The following C1orf122 variants were observed in gnomAD, a reference collection of about 807,000 sequenced individuals.
The protein encoded by C1orf122 is uncharacterized protein C1orf122.
Under a neutral mutation model 12.9 loss-of-function variants are expected in C1orf122, and 12 were observed. The ratio of observed to expected loss-of-function variants is 0.93; its 90% CI spans 0.60 to 1.51. C1orf122 has a LOEUF of 1.51. Ranked by LOEUF, C1orf122 falls within the 40% of genes most tolerant of loss-of-function variation. C1orf122 has a pLI of 0.00. For synonymous variants in C1orf122, 57 were observed against 73.4 expected, an observed-to-expected ratio of 0.78 and a Z score of 1.14; for missense variants, 144 against 162.1, an observed-to-expected ratio of 0.89 and a Z score of 0.61.
In C1orf122 at chr1:37,808,339, C is replaced by G. The variant is rs982636792; in HGVS notation, c.-66C>G. ...CGGGGCGGGGCGCAGCCTTGCGAAG[C>G]CCTAACGCAGCGCTGGGGAGGGGGG... On this transcript the variant is annotated 5_prime_UTR_variant, in exon 1 of 3. Transcript: ENST00000373042. 8 of 1,283,482 alleles carry G rather than the reference C, an allele frequency of 6.2e-6. No homozygotes were observed. Among genetic ancestry groups the G allele is most frequent in the Non-Finnish European group, 7.9e-6 (8 of 1,016,578 alleles). 79.5% of individuals were successfully genotyped at this position (1,283,482 alleles called of 1,614,324 possible).
In C1orf122 at chr1:37,808,875, G is replaced by A. The variant is rs1646764548; in HGVS notation, c.238-103G>A. ...CTCCTTTGATCTGGTGAGAGGTTTC[G>A]AAAAAGTTAATACTATCCAAATGCC... On this transcript the variant is annotated intron_variant, in intron 2 of 2. Coordinates refer to ENST00000373042, the MANE Select transcript of C1orf122 (RefSeq NM_198446.3). 3.4e-6 allele frequency: 5 copies of A among 1,462,976 alleles called. No individual in the cohort carries two copies. In the South Asian group the frequency reaches 5.3e-5, roughly 15 times the overall value. 90.6% of individuals were successfully genotyped at this position (1,462,976 alleles called of 1,614,324 possible). A position where few individuals can be genotyped will look rare whatever the true frequency, so the allele number is the denominator to read the frequency against.
Position 37,808,170 on chromosome 1 carries a change from G to A in C1orf122, c.-235G>A, listed in dbSNP as rs1211539674. The A allele has an allele frequency of 6.2e-6, 9 of 1,455,200 alleles. No individual in the cohort carries two copies. The highest frequency in any genetic ancestry group is 8.1e-6 in the Non-Finnish European group (9 of 1,107,742). The allele number at this position is 1,455,200 out of a possible 1,614,324, so 90.1% of individuals were successfully genotyped here. On this transcript the variant is annotated 5_prime_UTR_variant, in exon 1 of 3. Transcript: ENST00000373042. ...GGCCCTCATCCCCCTGCACCGACGC[G>A]CCGGAGACATCCGCCCAGGCCCGCT...
rs1646751069 is a variant in C1orf122 at position 37,807,809 on chromosome 1, G to A, written c.-596G>A. 2.6e-6 allele frequency: 4 copies of A among 1,509,858 alleles called. No homozygotes were observed. Among genetic ancestry groups the A allele is most frequent in the Admixed American group, 2.0e-5 (1 of 48,914 alleles). The allele number at this position is 1,509,858 out of a possible 1,614,324, so 93.5% of individuals were successfully genotyped here. A position where few individuals can be genotyped will look rare whatever the true frequency, so the allele number is the denominator to read the frequency against. On this transcript the variant is annotated 5_prime_UTR_variant, in exon 1 of 3. Transcript: ENST00000373042. ...GGCCTTACCTGTAGACGTCGGCCAC[G>A]CGGCCGAGGCATACGGCCAGAGGCT...
chr1:37,808,611 G>C lies in C1orf122; in HGVS notation c.116G>C (p.Arg39Pro). The C allele has an allele frequency of 7.7e-7, 1 of 1,307,070 alleles. No individual in the cohort carries two copies. Among genetic ancestry groups the C allele is most frequent in the Middle Eastern group, 2.6e-4 (1 of 3,802 alleles). The allele number at this position is 1,307,070 out of a possible 1,614,324, so 81.0% of individuals were successfully genotyped here. ...CCCCCACAGCCGCCCCGGGAGGAGC[G>C]CGCCCAGCAGCTGCTGGACGCGGTG... is the stretch of plus-strand genomic sequence containing the variant. ...RPPPQPPREERAQQLLDAVEQ... is the reference protein window; with the variant it reads ...RPPPQPPREEPAQQLLDAVEQ... The change falls in exon 2 of 3, where the codon CGC (arginine) becomes CCC (proline). Residue 39 changes from arginine (R) to proline (P), a missense_variant. Coordinates refer to ENST00000373042, the MANE Select transcript of C1orf122 (RefSeq NM_198446.3).
intron 2 of C1orf122, 115 bp from the exon 3 acceptor site, chr1:37,808,863 G>C: frequency 6.9e-7 from 1 of 1,444,458 alleles, no homozygotes; most frequent in Non-Finnish European, 9.3e-7. Flanking sequence ...CTTTGATCTG[G>C]TGAGAGGTTT....
At position 37,808,351 on chromosome 1, in the gene C1orf122, G is replaced by T. The variant is rs1646758055; in HGVS notation, c.-54G>T. The T allele has an allele frequency of 5.5e-6, 7 of 1,281,180 alleles. No individual in the cohort carries two copies. Among genetic ancestry groups the T allele is most frequent in the Non-Finnish European group, 6.9e-6 (7 of 1,015,396 alleles). 79.4% of individuals were successfully genotyped at this position (1,281,180 alleles called of 1,614,324 possible). On this transcript the variant is annotated 5_prime_UTR_variant, in exon 1 of 3. Coordinates refer to ENST00000373042, the MANE Select transcript of C1orf122 (RefSeq NM_198446.3). ...CAGCCTTGCGAAGCCCTAACGCAGC[G>T]CTGGGGAGGGGGGCGGCCGAAAGGG...
In C1orf122 at chr1:37,808,067, G is replaced by C; in HGVS notation, c.-338G>C. 5 of 1,342,562 alleles carry C rather than the reference G, an allele frequency of 3.7e-6. No homozygotes were observed. The highest frequency in any genetic ancestry group is 4.7e-6 in the Non-Finnish European group (5 of 1,052,806). 83.2% of individuals were successfully genotyped at this position (1,342,562 alleles called of 1,614,324 possible). The stretch of plus-strand genomic sequence containing the variant: ...GCCGGGCGCCGGGGGCCGCCGGAGC[G>C]GGACTCGGCGGGCGGAAGAGGCGAC... On this transcript the variant is annotated 5_prime_UTR_variant, in exon 1 of 3. Transcript: ENST00000373042.
At position 37,807,985 on chromosome 1, in the gene C1orf122, A is replaced by T; in HGVS notation, c.-420A>T. 4 of 1,205,088 alleles carry T rather than the reference A, an allele frequency of 3.3e-6. No individual in the cohort carries two copies. The highest frequency in any genetic ancestry group is 4.1e-6 in the Non-Finnish European group (4 of 971,672). 74.6% of individuals were successfully genotyped at this position (1,205,088 alleles called of 1,614,324 possible). A position where few individuals can be genotyped will look rare whatever the true frequency, so the allele number is the denominator to read the frequency against. On this transcript the variant is annotated 5_prime_UTR_variant, in exon 1 of 3. Coordinates refer to ENST00000373042, the MANE Select transcript of C1orf122 (RefSeq NM_198446.3). ...ACGGCGGCCCGCAGCGCCTCGGTCC[A>T]GCCGGCGCGCTCCGGGCTCGCGGCC...
Position 37,808,223 on chromosome 1 carries a change from G to C in C1orf122, c.-182G>C. The stretch of plus-strand genomic sequence containing the variant: ...CGGGAGGAAGTGACGCTCCCAGCCA[G>C]CTTCCGGTCCAGGAGACTCGGCCCC... On this transcript the variant is annotated 5_prime_UTR_variant, in exon 1 of 3. Coordinates refer to ENST00000373042, the MANE Select transcript of C1orf122 (RefSeq NM_198446.3). 1 of 1,397,452 alleles carries C rather than the reference G, an allele frequency of 7.2e-7. No individual in the cohort carries two copies. Among genetic ancestry groups the C allele is most frequent in the Non-Finnish European group, 9.3e-7 (1 of 1,079,772 alleles). The allele number at this position is 1,397,452 out of a possible 1,614,324, so 86.6% of individuals were successfully genotyped here.
intron 2 of C1orf122, 98 bp from the exon 3 acceptor site, chr1:37,808,880 A>AGTTAATAC (rs1351552954): frequency 1.9e-5 from 28 of 1,471,256 alleles, no homozygotes; most frequent in Non-Finnish European, 2.6e-5. Context: ...GTTTCGAAAA[A>AGTTAATAC]GTTAATACTA....
Position 37,808,394 on chromosome 1 carries a change from C to G in C1orf122, c.-11C>G, listed in dbSNP as rs770393155. Reference sequence around the variant, plus strand: ...CGAAAGGGGGGCGGTGGTCGGGCCGCGCAAGCGGAGATGGAATGGGGCCCG... The same window carrying G: ...CGAAAGGGGGGCGGTGGTCGGGCCGGGCAAGCGGAGATGGAATGGGGCCCG... On this transcript the variant is annotated 5_prime_UTR_variant, in exon 1 of 3. Coordinates refer to ENST00000373042, the MANE Select transcript of C1orf122 (RefSeq NM_198446.3). The G allele has an allele frequency of 1.0e-5, 13 of 1,284,996 alleles. No individual in the cohort carries two copies. In the East Asian group the frequency reaches 4.1e-4, roughly 40 times the overall value. The allele number at this position is 1,284,996 out of a possible 1,614,324, so 79.6% of individuals were successfully genotyped here. A position where few individuals can be genotyped will look rare whatever the true frequency, so the allele number is the denominator to read the frequency against.
At position 37,807,890 on chromosome 1, in the gene C1orf122, C is replaced by T; in HGVS notation, c.-515C>T. 1.4e-6 allele frequency: 2 copies of T among 1,451,540 alleles called. No individual in the cohort carries two copies. The highest frequency in any genetic ancestry group is 1.8e-6 in the Non-Finnish European group (2 of 1,099,404). 89.9% of individuals were successfully genotyped at this position (1,451,540 alleles called of 1,614,324 possible). A position where few individuals can be genotyped will look rare whatever the true frequency, so the allele number is the denominator to read the frequency against. On this transcript the variant is annotated 5_prime_UTR_variant, in exon 1 of 3. Coordinates refer to ENST00000373042, the MANE Select transcript of C1orf122 (RefSeq NM_198446.3). ...CAGCGCGCAGAGCCGCCGAGCAGCT[C>T]GCCGCGCAGGCCAGGCCGTACAGCG...
Position 37,808,161 on chromosome 1 carries a change from C to G in C1orf122, c.-244C>G. 6.8e-7 allele frequency: 1 copy of G among 1,460,440 alleles called. No homozygotes were observed. The highest frequency in any genetic ancestry group is 9.0e-7 in the Non-Finnish European group (1 of 1,111,186). The allele number at this position is 1,460,440 out of a possible 1,614,324, so 90.5% of individuals were successfully genotyped here. On this transcript the variant is annotated 5_prime_UTR_variant, in exon 1 of 3. Transcript: ENST00000373042. ...AGCCACCGCGGCCCTCATCCCCCTG[C>G]ACCGACGCGCCGGAGACATCCGCCC... is the stretch of plus-strand genomic sequence containing the variant.
Position 37,809,055 on chromosome 1 carries a change from T to C in C1orf122, c.315T>C (p.Asp105=). Residue 105 remains aspartate (D), a synonymous_variant, in exon 3 of 3, where the codon GAT becomes GAC. Coordinates refer to ENST00000373042, the MANE Select transcript of C1orf122 (RefSeq NM_198446.3). The part of the protein sequence containing the change: ...ARGGFPKDAG[D]GAAEP ...GCGGCTTTCCAAAGGATGCTGGCGA[T>C]GGAGCTGCGGAGCCCTGACCATCCC... The C allele has an allele frequency of 6.2e-7, 1 of 1,614,034 alleles. No individual in the cohort carries two copies. The highest frequency in any genetic ancestry group is 1.1e-5 in the South Asian group (1 of 91,090).
Position 37,808,171 on chromosome 1 carries a change from C to A in C1orf122, c.-234C>A, listed in dbSNP as rs914384882. On this transcript the variant is annotated 5_prime_UTR_variant, in exon 1 of 3. Transcript: ENST00000373042. ...GCCCTCATCCCCCTGCACCGACGCG[C>A]CGGAGACATCCGCCCAGGCCCGCTT... The A allele has an allele frequency of 1.4e-6, 2 of 1,455,096 alleles. No individual in the cohort carries two copies. The highest frequency in any genetic ancestry group is 2.6e-5 in the South Asian group (2 of 76,066). 90.1% of individuals were successfully genotyped at this position (1,455,096 alleles called of 1,614,324 possible). A position where few individuals can be genotyped will look rare whatever the true frequency, so the allele number is the denominator to read the frequency against.
Position 37,808,160 on chromosome 1 carries a change from G to T in C1orf122, c.-245G>T. 6.8e-7 allele frequency: 1 copy of T among 1,460,270 alleles called. No homozygotes were observed. Among genetic ancestry groups the T allele is most frequent in the Non-Finnish European group, 9.0e-7 (1 of 1,111,168 alleles). The allele number at this position is 1,460,270 out of a possible 1,614,324, so 90.5% of individuals were successfully genotyped here. A position where few individuals can be genotyped will look rare whatever the true frequency, so the allele number is the denominator to read the frequency against. ...CAGCCACCGCGGCCCTCATCCCCCT[G>T]CACCGACGCGCCGGAGACATCCGCC... is the stretch of plus-strand genomic sequence containing the variant. On this transcript the variant is annotated 5_prime_UTR_variant, in exon 1 of 3. Transcript: ENST00000373042.
At chr1:37,808,462 G>A in intron 1 of C1orf122, 23 bp downstream of exon 1, 2 of 1,277,050 alleles carry the variant, frequency 1.6e-6, no homozygotes, top group East Asian at 3.1e-5. Flanking sequence ...CCGTCGGGGC[G>A]GGAGGAAGGG....
Position 37,808,235 on chromosome 1 carries a change from G to T in C1orf122, c.-170G>T. On this transcript the variant is annotated 5_prime_UTR_variant, in exon 1 of 3. In the 5' UTR this introduces an upstream ATG that the reference lacks. Transcript: ENST00000373042. ...ACGCTCCCAGCCAGCTTCCGGTCCA[G>T]GAGACTCGGCCCCGCCTCTGCGCCG... is the stretch of plus-strand genomic sequence containing the variant. The T allele has an allele frequency of 7.3e-7, 1 of 1,377,452 alleles. No individual in the cohort carries two copies. Among genetic ancestry groups the T allele is most frequent in the Non-Finnish European group, 9.4e-7 (1 of 1,069,002 alleles). 85.3% of individuals were successfully genotyped at this position (1,377,452 alleles called of 1,614,324 possible).
Position 37,807,985 on chromosome 1 carries a change from A to G in C1orf122, c.-420A>G. ...ACGGCGGCCCGCAGCGCCTCGGTCC[A>G]GCCGGCGCGCTCCGGGCTCGCGGCC... is the stretch of plus-strand genomic sequence containing the variant. On this transcript the variant is annotated 5_prime_UTR_variant, in exon 1 of 3. Coordinates refer to ENST00000373042, the MANE Select transcript of C1orf122 (RefSeq NM_198446.3). 3 of 1,205,088 alleles carry G rather than the reference A, an allele frequency of 2.5e-6. No individual in the cohort carries two copies. Among genetic ancestry groups the G allele is most frequent in the Non-Finnish European group, 3.1e-6 (3 of 971,672 alleles). 74.6% of individuals were successfully genotyped at this position (1,205,088 alleles called of 1,614,324 possible).
Sources: allele counts gnomAD v4.1 joint callset, GRCh38; gene constraint gnomAD v4.1.1; transcripts MANE v1.5; gene names NCBI Gene and HGNC (gene_info 2026-07-23, HGNC 2026-07-21).